Variants in SOHLH2 observed in about 807,000 individuals in gnomAD.
SOHLH2 encodes spermatogenesis- and oogenesis-specific basic helix-loop-helix-containing protein 2.
Under a neutral mutation model 50.4 loss-of-function variants are expected in SOHLH2, and 22 were observed. The observed-to-expected ratio is 0.44, with a 90% CI of 0.31 to 0.62. The LOEUF is 0.62. Among genes scored for constraint, SOHLH2 ranks in the 20% least tolerant of loss-of-function variants. SOHLH2 has a pLI of 0.08. For missense variants in SOHLH2, 412 were observed against 504.4 expected, an observed-to-expected ratio of 0.82 and a Z score of 1.76; for synonymous variants, 185 against 187.3, an observed-to-expected ratio of 0.99 and a Z score of 0.10.
At chr13:36,171,341 T>A (rs1287965219) in intron 9 of SOHLH2, among the ~76,000 whole-genome samples, 1 of 152,186 alleles carries the variant, frequency 6.6e-6, no homozygotes. Flanking sequence ...TAAGCAACTG[T>A]ATACAGAGAT....
At chr13:36,169,100 C>T (rs1387759356) in intron 10 of SOHLH2, 46 bp from the exon 11 acceptor site, 2 of 1,584,548 alleles carry the variant, frequency 1.3e-6, no homozygotes, top group East Asian at 4.6e-5. Flanking sequence ...TCCTCACCCA[C>T]TCTTACTCAT....
At chr13:36,186,248 T>C (rs1593944409) in intron 6 of SOHLH2, among the ~76,000 whole-genome samples, 1 of 152,122 alleles carries the variant, frequency 6.6e-6, no homozygotes, top group East Asian at 1.9e-4. Context: ...CCATTCATGA[T>C]AAAATCCTAA....
intron 6 of SOHLH2, chr13:36,182,223 T>C: frequency 1.0e-6 from 1 of 985,318 alleles, no homozygotes; most frequent in Non-Finnish European, 1.2e-6. Flanking sequence ...GAGAGAATTT[T>C]TGCAACTCAG....
At chr13:36,198,876 A>G (rs1359220659) in intron 2 of SOHLH2, among the ~76,000 whole-genome samples, 7 of 152,180 alleles carry the variant, frequency 4.6e-5, no homozygotes, top group Non-Finnish European at 2.9e-5. Context: ...TCTATCATCA[A>G]TTCCTCATTC....
At chr13:36,198,333 ATAAG>A (rs1457841910) in intron 2 of SOHLH2, among the ~76,000 whole-genome samples, 1 of 152,232 alleles carries the variant, frequency 6.6e-6, no homozygotes, top group African/African-American at 2.4e-5. Context: ...TCTTTGGAAG[ATAAG>A]TATCAGGATG....
At chr13:36,202,923 G>A (rs930943413) in intron 1 of SOHLH2, among the ~76,000 whole-genome samples, 2 of 152,332 alleles carry the variant, frequency 1.3e-5, no homozygotes, top group African/African-American at 4.8e-5. Flanking sequence ...CACAGGGCAG[G>A]ATGCTGGTGT....
chr13:36,208,878 T>C (rs1355951294), intron 1 of SOHLH2, among the ~76,000 whole-genome samples: 1 of 152,228 alleles, frequency 6.6e-6, no homozygotes, highest in Non-Finnish European at 1.5e-5. Flanking sequence ...CTCTGAATTT[T>C]CCTTCTGGAA....
intron 10 of SOHLH2, among the ~76,000 whole-genome samples, chr13:36,169,754 T>G (rs1337897835): frequency 1.3e-5 from 2 of 152,218 alleles, no homozygotes; most frequent in Non-Finnish European, 2.9e-5. Flanking sequence ...CTGCCAGGAC[T>G]GCTCTTGCCT....
chr13:36,201,328 T>C (rs11617928), intron 2 of SOHLH2, among the ~76,000 whole-genome samples: 13,658 of 152,184 alleles, frequency 0.09, 639 homozygotes, highest in East Asian at 0.13. Flanking sequence ...AATGTAAGCA[T>C]TGCATACTAA....
chr13:36,211,549 A>G (rs575722146), intron 1 of SOHLH2, among the ~76,000 whole-genome samples: 1 of 152,348 alleles, frequency 6.6e-6, no homozygotes, highest in East Asian at 1.9e-4. Flanking sequence ...AGAATAGAGT[A>G]TGACCAGTTC....
chr13:36,208,587 T>C (rs1446808130), intron 1 of SOHLH2, among the ~76,000 whole-genome samples: 1 of 152,172 alleles, frequency 6.6e-6, no homozygotes, highest in Admixed American at 6.5e-5. Flanking sequence ...TCCCAAACCA[T>C]GACTATCTGG....
At chr13:36,186,140 G>A (rs1887411299) in intron 6 of SOHLH2, among the ~76,000 whole-genome samples, 1 of 151,830 alleles carries the variant, frequency 6.6e-6, no homozygotes, top group African/African-American at 2.4e-5. Context: ...GTGAAGTTTT[G>A]CATTTAAAAA....
chr13:36,210,063 A>G (rs1391657457), intron 1 of SOHLH2, among the ~76,000 whole-genome samples: 1 of 152,156 alleles, frequency 6.6e-6, no homozygotes, highest in Non-Finnish European at 1.5e-5. Context: ...TCAGTTACAG[A>G]GATCGGGAAA....
chr13:36,194,496 G>C (rs991184866), intron 2 of SOHLH2, among the ~76,000 whole-genome samples: 1 of 152,182 alleles, frequency 6.6e-6, no homozygotes, highest in Non-Finnish European at 1.5e-5. Flanking sequence ...CCACTGGTGG[G>C]CAGGGGTGGG....
At position 36,214,532 on chromosome 13, in the gene SOHLH2, C is replaced by T. The variant is rs1212764895; in HGVS notation, c.-6G>A. ...CAGATAATTGAGGAAGCCATGGCCG[C>T]TGCGCACGTGCTGGGTCCTGGGGCA... On this transcript the variant is annotated 5_prime_UTR_variant, in exon 1 of 11. Coordinates refer to ENST00000379881, the MANE Select transcript of SOHLH2 (RefSeq NM_017826.3). 6.2e-7 allele frequency: 1 copy of T among 1,610,984 alleles called. No homozygotes were observed. Among genetic ancestry groups the T allele is most frequent in the Non-Finnish European group, 8.5e-7 (1 of 1,178,918 alleles).
At chr13:36,188,006 C>T (rs1364322463) in intron 6 of SOHLH2, among the ~76,000 whole-genome samples, 1 of 152,108 alleles carries the variant, frequency 6.6e-6, no homozygotes, top group Non-Finnish European at 1.5e-5. Flanking sequence ...TTGAAACACT[C>T]TCTCTAGGAG....
At chr13:36,205,214 CA>C (rs1048768845) in intron 1 of SOHLH2, among the ~76,000 whole-genome samples, 3 of 152,140 alleles carry the variant, frequency 2.0e-5, no homozygotes, top group African/African-American at 7.2e-5. Flanking sequence ...CTACCGCCTT[CA>C]AAAAATTACA....
At position 36,173,805 on chromosome 13, in the gene SOHLH2, T is replaced by A; in HGVS notation, c.887A>T (p.Asn296Ile). The A allele has an allele frequency of 6.2e-7, 1 of 1,613,888 alleles. No homozygotes were observed. ...AGGGGAGTAAGTGCTCATCACACTG[T>A]TTTCCCTTGAAAGGACAGAAAAAAT... ...LPGTVMAQRE[N>I]SVMSTYSPER... Residue 296 changes from asparagine (N) to isoleucine (I), a missense_variant, in exon 9 of 11, where the codon AAC becomes ATC. Asn to Ile is a moderately radical substitution (Grantham distance 149). Coordinates refer to ENST00000379881, the MANE Select transcript of SOHLH2 (RefSeq NM_017826.3).
chr13:36,196,164 C>T (rs2138307155), intron 2 of SOHLH2, among the ~76,000 whole-genome samples: 1 of 140,390 alleles, frequency 7.1e-6, no homozygotes, highest in Admixed American at 7.3e-5. Flanking sequence ...CTTGCTTTGT[C>T]ACTCAGGCGG....
Sources: allele counts gnomAD v4.1 joint callset (sites outside exome capture counted in the v4.1 genomes callset), GRCh38; gene constraint gnomAD v4.1.1; transcripts MANE v1.5; gene names NCBI Gene and HGNC (gene_info 2026-07-23, HGNC 2026-07-21).